STK38: variants seen among roughly 807,000 people sequenced by gnomAD.
The protein encoded by STK38 is serine/threonine kinase 38, also known as serine/threonine-protein kinase 38.
In STK38, 26 loss-of-function variants were observed where a neutral mutation model predicts 59.0. That is an observed-to-expected ratio of 0.44 (90% CI 0.32 to 0.61). STK38 has a LOEUF of 0.61. STK38 is among the 20% of genes least tolerant of loss of function. The pLI is 0.04. For synonymous variants in STK38, 175 were observed against 176.6 expected (o/e 0.99, Z 0.07); for missense variants, 433 against 566.0 (o/e 0.76, Z 2.38).
At chr6:36,545,268 G>C (rs1778030966) in intron 1 of STK38, among the ~76,000 whole-genome samples, 1 of 140,910 alleles carries the variant, frequency 7.1e-6, no homozygotes, top group Non-Finnish European at 1.5e-5. Flanking sequence ...ACTCTAGCCT[G>C]GGTGAGTGAG....
At chr6:36,500,812 CTCTT>C (rs1030476458) in intron 9 of STK38, among the ~76,000 whole-genome samples, 1 of 151,582 alleles carries the variant, frequency 6.6e-6, no homozygotes, top group Non-Finnish European at 1.5e-5. Flanking sequence ...CAAACCATCC[CTCTT>C]TCTATGATAC....
At chr6:36,531,981 T>TA (rs1282722305) in intron 2 of STK38, among the ~76,000 whole-genome samples, 2 of 151,820 alleles carry the variant, frequency 1.3e-5, no homozygotes, top group Admixed American at 6.6e-5. Context: ...AGACACAAAA[T>TA]AAAAAAAATG....
At chr6:36,529,788 C>T (rs939856528) in intron 2 of STK38, among the ~76,000 whole-genome samples, 5 of 152,220 alleles carry the variant, frequency 3.3e-5, no homozygotes, top group East Asian at 1.9e-4. Flanking sequence ...TTCATGACTA[C>T]TACTTACAAT....
chr6:36,518,496 T>C (rs939199556), intron 5 of STK38, among the ~76,000 whole-genome samples: 2 of 152,250 alleles, frequency 1.3e-5, no homozygotes, highest in African/African-American at 4.8e-5. Flanking sequence ...CAAATTTACC[T>C]TATTTACTTT....
At chr6:36,509,030 G>A (rs972824570) in intron 7 of STK38, among the ~76,000 whole-genome samples, 1 of 152,190 alleles carries the variant, frequency 6.6e-6, no homozygotes, top group Non-Finnish European at 1.5e-5. Flanking sequence ...CTGGGCTCCT[G>A]GAAGGGCCGC....
intron 2 of STK38, among the ~76,000 whole-genome samples, chr6:36,539,469 T>C (rs1777879434): frequency 6.6e-6 from 1 of 152,144 alleles, no homozygotes. Flanking sequence ...TAGCTGATAC[T>C]ACCACCATTA....
chr6:36,513,466 C>T (rs1273466694), intron 7 of STK38, among the ~76,000 whole-genome samples: 1 of 151,840 alleles, frequency 6.6e-6, no homozygotes, highest in East Asian at 2.0e-4. Context: ...AGGCACACTC[C>T]ACCACGCCCA....
intron 9 of STK38, among the ~76,000 whole-genome samples, chr6:36,501,819 A>G (rs770875999): frequency 3.3e-5 from 5 of 152,200 alleles, no homozygotes; most frequent in Non-Finnish European, 7.3e-5. Flanking sequence ...AATTAGTCAC[A>G]ATAGTTTTTA....
intron 1 of STK38, among the ~76,000 whole-genome samples, chr6:36,541,467 A>C (rs1777935613): frequency 6.6e-6 from 1 of 152,206 alleles, no homozygotes; most frequent in African/African-American, 2.4e-5. Context: ...AAGAAATCAA[A>C]GACCCATAAA....
intron 2 of STK38, among the ~76,000 whole-genome samples, chr6:36,532,871 C>A (rs1011001760): frequency 2.0e-5 from 3 of 151,882 alleles, no homozygotes; most frequent in African/African-American, 7.3e-5. Context: ...TGCACTCTAG[C>A]CTGGGCAAAA....
chr6:36,539,244 G>A (rs1582466046), intron 2 of STK38, among the ~76,000 whole-genome samples: 2 of 151,944 alleles, frequency 1.3e-5, no homozygotes, highest in East Asian at 3.9e-4. Flanking sequence ...AAATTAGCCA[G>A]GCGTGGTGGC....
intron 5 of STK38, among the ~76,000 whole-genome samples, chr6:36,520,181 A>G (rs1325820788): frequency 6.6e-6 from 1 of 152,224 alleles, no homozygotes; most frequent in African/African-American, 2.4e-5. Flanking sequence ...TGAGGAGTTG[A>G]GTTCTCAGCT....
intron 1 of STK38, among the ~76,000 whole-genome samples, chr6:36,546,563 C>G (rs1282837944): frequency 2.6e-5 from 4 of 152,326 alleles, no homozygotes; most frequent in African/African-American, 7.2e-5. Flanking sequence ...ACTGAGAGAT[C>G]TGGTCTCTCT....
chr6:36,547,310 G>T lies in STK38; in HGVS notation c.-126C>A, dbSNP rs1022770975. The T allele has an allele frequency of 2.6e-5, 4 of 152,734 alleles. No individual in the cohort carries two copies. Among genetic ancestry groups the T allele is most frequent in the African/African-American group, 7.2e-5 (3 of 41,472 alleles). The allele number at this position is 152,734 out of a possible 1,614,324, so 9.5% of individuals were successfully genotyped here. Reference sequence around the variant, plus strand: ...GCGGCAGCCAACGAGCCAAAGACGGGAGGGGACGCGTGAGGGACTCTGAGA... The same window carrying T: ...GCGGCAGCCAACGAGCCAAAGACGGTAGGGGACGCGTGAGGGACTCTGAGA... On this transcript the variant is annotated 5_prime_UTR_variant, in exon 1 of 14. Coordinates refer to ENST00000229812, the MANE Select transcript of STK38 (RefSeq NM_007271.4).
chr6:36,506,838 A>T (rs1776974379), intron 8 of STK38, among the ~76,000 whole-genome samples, 194 bp from the exon 9 acceptor site: 1 of 145,116 alleles, frequency 6.9e-6, no homozygotes, highest in South Asian at 2.2e-4. Context: ...GCATTAACTT[A>T]AAAGACTCAC....
chr6:36,519,714 A>G (rs1468882246), intron 5 of STK38, among the ~76,000 whole-genome samples: 1 of 152,176 alleles, frequency 6.6e-6, no homozygotes, highest in African/African-American at 2.4e-5. Flanking sequence ...ATAAATATTT[A>G]ATAAGGTGGG....
chr6:36,507,165 AAGGACAAATCTAGCCC>A lies in STK38; in HGVS notation c.772+319_772+334del, dbSNP rs201247061. On this transcript the variant is annotated intron_variant, in intron 8 of 13. Coordinates refer to ENST00000229812, the MANE Select transcript of STK38 (RefSeq NM_007271.4). ...TAAAGATAAACTTCTTTCTGTCATG[AAGGACAAATCTAGCCC>A]AGGACAAATCTAGCCCAGAACTGTT... Among the ~76,000 whole-genome samples, 940 of 152,270 alleles carry A rather than the reference AAGGACAAATCTAGCCC, an allele frequency of 6.2e-3. 12 individuals carry two copies. Among genetic ancestry groups the A allele is most frequent in the African/African-American group, 0.022 (899 of 41,546 alleles).
At chr6:36,500,589 G>A (rs903031786) in intron 9 of STK38, among the ~76,000 whole-genome samples, 11 of 151,614 alleles carry the variant, frequency 7.3e-5, no homozygotes, top group South Asian at 2.1e-4. Context: ...GTGAAAACCC[G>A]TCTCTACTAA....
chr6:36,497,808 A>C lies in STK38; in HGVS notation c.1144T>G (p.Phe382Val), dbSNP rs766397110. ...ATATGTTCCCAGTCAACGCCTTCAA[A>C]AAAAGAGTTACTTTTTATTTCCTCA... The part of the protein sequence containing the change: ...GVEEIKSNSF[F>V]EGVDWEHIRE... The change falls in exon 12 of 14, where the codon TTT becomes GTT. Residue 382 changes from phenylalanine to valine, a missense_variant. Phe to Val is a conservative substitution (Grantham distance 50, BLOSUM62 -1). This residue lies in a region of STK38 where 136 missense variants were observed against 156.7 expected (regional missense o/e 0.87). Transcript: ENST00000229812. The C allele has an allele frequency of 6.2e-7, 1 of 1,613,784 alleles. No individual in the cohort carries two copies. The highest frequency in any genetic ancestry group is 8.5e-7 in the Non-Finnish European group (1 of 1,179,946).
Sources: allele counts gnomAD v4.1 joint callset (sites outside exome capture counted in the v4.1 genomes callset), GRCh38; gene constraint gnomAD v4.1.1; regional missense constraint gnomAD v4.1.1; transcripts MANE v1.5; gene names NCBI Gene and HGNC (gene_info 2026-07-23, HGNC 2026-07-21).